The following CYRIA variants were observed in gnomAD, a reference collection of about 807,000 sequenced individuals.
CYRIA encodes CYFIP-related Rac1 interactor A.
CYRIA carries 15 observed loss-of-function variants against 43.9 expected under a neutral mutation model. The observed-to-expected ratio is 0.34, with a 90% CI of 0.23 to 0.53. The LOEUF (loss-of-function observed/expected upper bound fraction) is 0.53. CYRIA is among the 20% of genes least tolerant of loss of function. The pLI is 0.94. For missense variants in CYRIA, 236 were observed against 394.2 expected, an observed-to-expected ratio of 0.60 and a Z score of 3.40; for synonymous variants, 117 against 136.0, an observed-to-expected ratio of 0.86 and a Z score of 0.97.
intron 1 of CYRIA, among the ~76,000 whole-genome samples, chr2:16,657,955 C>T (rs754869057): frequency 6.6e-6 from 1 of 151,856 alleles, no homozygotes; most frequent in Non-Finnish European, 1.5e-5. Flanking sequence ...TAAAAATAAG[C>T]GAATGTGTAT....
At chr2:16,609,847 T>C (rs1668532465) in intron 2 of CYRIA, among the ~76,000 whole-genome samples, 1 of 152,162 alleles carries the variant, frequency 6.6e-6, no homozygotes, top group Non-Finnish European at 1.5e-5. Flanking sequence ...TGATATTTTA[T>C]TCACACACTC....
chr2:16,635,556 A>G (rs1052208725), intron 1 of CYRIA, among the ~76,000 whole-genome samples: 5 of 152,200 alleles, frequency 3.3e-5, no homozygotes, highest in Non-Finnish European at 7.3e-5. Context: ...TAGCAAGCCT[A>G]TACTCCAGTG....
chr2:16,556,205 C>T (rs1470022838), intron 10 of CYRIA, among the ~76,000 whole-genome samples: 2 of 152,062 alleles, frequency 1.3e-5, no homozygotes, highest in Admixed American at 1.3e-4. Flanking sequence ...CTGATAGACC[C>T]TGATAGACTG....
At chr2:16,625,433 G>C (rs1177615662) in intron 1 of CYRIA, among the ~76,000 whole-genome samples, 2 of 152,146 alleles carry the variant, frequency 1.3e-5, no homozygotes, top group East Asian at 3.9e-4. Context: ...GGGGAGGAGG[G>C]AAGGAAATGA....
intron 10 of CYRIA, among the ~76,000 whole-genome samples, chr2:16,557,408 G>C (rs1355975995): frequency 6.6e-6 from 1 of 152,106 alleles, no homozygotes; most frequent in Non-Finnish European, 1.5e-5. Context: ...CACAGTGCCT[G>C]CCTCTCTCAG....
At chr2:16,605,760 T>C (rs1331634799) in intron 2 of CYRIA, among the ~76,000 whole-genome samples, 1 of 152,178 alleles carries the variant, frequency 6.6e-6, no homozygotes, top group African/African-American at 2.4e-5. Context: ...GTTTTTTGGA[T>C]TACAAACCTC....
At chr2:16,568,477 A>C (rs997602986) in intron 3 of CYRIA, among the ~76,000 whole-genome samples, 4 of 152,166 alleles carry the variant, frequency 2.6e-5, no homozygotes, top group African/African-American at 7.2e-5. Context: ...AAAATCCACA[A>C]GCTAGGAGGC....
chr2:16,574,442 G>C (rs971820121), intron 3 of CYRIA, among the ~76,000 whole-genome samples: 2 of 152,226 alleles, frequency 1.3e-5, no homozygotes, highest in African/African-American at 2.4e-5. Context: ...AAGTTACTAA[G>C]AGCCAAATGT....
intron 3 of CYRIA, among the ~76,000 whole-genome samples, chr2:16,586,984 C>G (rs1411581849): frequency 6.6e-6 from 1 of 152,014 alleles, no homozygotes; most frequent in Non-Finnish European, 1.5e-5. Context: ...TATACTCATT[C>G]TCATTTGTCA....
chr2:16,623,286 G>C (rs1669057912), intron 2 of CYRIA: 1 of 152,214 alleles, frequency 6.6e-6, no homozygotes, highest in Non-Finnish European at 1.5e-5. Context: ...TTGCACATAA[G>C]AAGGAAAGGA....
chr2:16,643,297 T>C (rs991601015), intron 1 of CYRIA, among the ~76,000 whole-genome samples: 9 of 152,272 alleles, frequency 5.9e-5, no homozygotes, highest in South Asian at 2.1e-4. Context: ...ATGAATGGCA[T>C]TGAGCCACAG....
intron 1 of CYRIA, among the ~76,000 whole-genome samples, chr2:16,657,854 A>G (rs911474589): frequency 5.9e-5 from 9 of 152,226 alleles, no homozygotes; most frequent in Non-Finnish European, 1.0e-4. Flanking sequence ...AGTGTAATAC[A>G]TAAAAGTTAT....
At chr2:16,605,601 G>C (rs1668370498) in intron 2 of CYRIA, among the ~76,000 whole-genome samples, 1 of 152,190 alleles carries the variant, frequency 6.6e-6, no homozygotes, top group Admixed American at 6.5e-5. Context: ...ACTCATCTTG[G>C]AGACACCATT....
intron 2 of CYRIA, among the ~76,000 whole-genome samples, chr2:16,622,282 A>G (rs1669020899): frequency 6.6e-6 from 1 of 152,222 alleles, no homozygotes; most frequent in African/African-American, 2.4e-5. Context: ...TGGGTATGGC[A>G]GAGAAAACCT....
At chr2:16,580,842 A>G (rs1226033253) in intron 3 of CYRIA, among the ~76,000 whole-genome samples, 2 of 152,196 alleles carry the variant, frequency 1.3e-5, no homozygotes, top group Non-Finnish European at 2.9e-5. Context: ...TATTACAATT[A>G]GCAAATTTAC....
intron 1 of CYRIA, among the ~76,000 whole-genome samples, chr2:16,639,710 G>A (rs1470720125): frequency 1.3e-5 from 2 of 152,198 alleles, no homozygotes; most frequent in African/African-American, 2.4e-5. Flanking sequence ...GGGGAAGAGC[G>A]TGTCTGTAAA....
intron 2 of CYRIA, among the ~76,000 whole-genome samples, chr2:16,608,161 ACT>A (rs1307914961): frequency 2.0e-5 from 3 of 152,308 alleles, no homozygotes; most frequent in Non-Finnish European, 4.4e-5. Context: ...GATGGGAAGG[ACT>A]GGATAAGTAG....
chr2:16,557,633 A>AC (rs889932081), intron 10 of CYRIA, among the ~76,000 whole-genome samples: 6 of 152,138 alleles, frequency 3.9e-5, no homozygotes, highest in African/African-American at 1.4e-4. Context: ...ATATGAACAA[A>AC]CCTTACGTAG....
chr2:16,618,025 T>C (rs982516785), intron 2 of CYRIA, among the ~76,000 whole-genome samples: 2 of 152,220 alleles, frequency 1.3e-5, no homozygotes, highest in Non-Finnish European at 2.9e-5. Flanking sequence ...GCATCCTTGT[T>C]GTACCAAGAA....
Sources: gnomAD v4.1 joint callset for allele counts (sites outside exome capture counted in the v4.1 genomes callset) on GRCh38, gnomAD v4.1.1 for gene constraint, MANE v1.5 for transcripts, NCBI Gene and HGNC (gene_info 2026-07-23, HGNC 2026-07-21) for gene names.